NRXN3: variants seen among roughly 807,000 people sequenced by gnomAD.
NRXN3 encodes neurexin 3, also known as neurexin III.
A neutral mutation model predicts 137.6 loss-of-function variants in NRXN3; 32 were observed. The ratio of observed to expected loss-of-function variants is 0.23; its 90% CI spans 0.18 to 0.31. NRXN3 has a LOEUF of 0.31. NRXN3 is among the 10% of genes least tolerant of loss of function. The probability of loss-of-function intolerance (pLI) is 1.00; values close to 1 mark genes in which losing one functional copy is unlikely to be tolerated. For synonymous variants in NRXN3, 798 were observed against 784.5 expected (o/e 1.02, Z -0.29); for missense variants, 1,574 against 2,062.5 (o/e 0.76, Z 4.59).
At chr14:79,115,325 CAA>C (rs11426637) in intron 15 of NRXN3, among the ~76,000 whole-genome samples, 2 of 131,164 alleles carry the variant, frequency 1.5e-5, no homozygotes, top group African/African-American at 2.9e-5. Context: ...AACTCTGTCT[CAA>C]AAAAAAAAAA....
chr14:78,556,911 C>A, intron 4 of NRXN3, among the ~76,000 whole-genome samples: 1 of 115,150 alleles, frequency 8.7e-6, no homozygotes, highest in Non-Finnish European at 1.8e-5. Flanking sequence ...CCCTCCCCCT[C>A]CCCCTTCCCC....
intron 16 of NRXN3, among the ~76,000 whole-genome samples, chr14:79,541,078 G>C (rs73324300): frequency 0.036 from 5,517 of 152,136 alleles, 313 homozygotes; most frequent in African/African-American, 0.12. Context: ...TGCCTTCTCT[G>C]TGTTTCTCCT....
At chr14:79,209,364 A>C (rs533817481) in intron 15 of NRXN3, among the ~76,000 whole-genome samples, 3 of 152,072 alleles carry the variant, frequency 2.0e-5, no homozygotes, top group African/African-American at 7.2e-5. Flanking sequence ...AGAGGGAATC[A>C]AGGGTATATT....
At chr14:79,022,521 C>T (rs941031379) in intron 15 of NRXN3, among the ~76,000 whole-genome samples, 2 of 152,158 alleles carry the variant, frequency 1.3e-5, no homozygotes, top group African/African-American at 2.4e-5. Context: ...ATTGGGAACA[C>T]ACACGAAGCC....
intron 4 of NRXN3, among the ~76,000 whole-genome samples, chr14:78,603,529 A>G (rs774039014): frequency 2.6e-5 from 4 of 152,244 alleles, no homozygotes; most frequent in Non-Finnish European, 5.9e-5. Flanking sequence ...AAAGGACAGA[A>G]GATGGATTAA....
At chr14:79,139,261 T>G (rs2058558182) in intron 15 of NRXN3, among the ~76,000 whole-genome samples, 1 of 152,198 alleles carries the variant, frequency 6.6e-6, no homozygotes, top group African/African-American at 2.4e-5. Flanking sequence ...AAAGACATAG[T>G]GTCATTTGGA....
chr14:79,041,628 C>G (rs1170640473), intron 15 of NRXN3, among the ~76,000 whole-genome samples: 1 of 152,094 alleles, frequency 6.6e-6, no homozygotes, highest in African/African-American at 2.4e-5. Context: ...GTGAACTTAA[C>G]CTCTTCTTGA....
chr14:79,412,492 A>G (rs1440895254), intron 15 of NRXN3, among the ~76,000 whole-genome samples: 3 of 151,978 alleles, frequency 2.0e-5, no homozygotes, highest in Non-Finnish European at 2.9e-5. Context: ...TTAAAAAGCT[A>G]GGATCAGCTG....
intron 4 of NRXN3, among the ~76,000 whole-genome samples, chr14:78,298,771 G>A (rs1276454458): frequency 1.3e-5 from 2 of 152,162 alleles, no homozygotes; most frequent in East Asian, 1.9e-4. Context: ...TGACTATGTC[G>A]TGTTGAAATA....
At chr14:78,963,031 T>G (rs1336218806) in intron 11 of NRXN3, among the ~76,000 whole-genome samples, 1 of 151,784 alleles carries the variant, frequency 6.6e-6, no homozygotes, top group African/African-American at 2.4e-5. Flanking sequence ...CTCACCAACT[T>G]TTAGTTGAGG....
intron 4 of NRXN3, among the ~76,000 whole-genome samples, chr14:78,568,720 G>T (rs1013194794): frequency 1.3e-5 from 2 of 152,110 alleles, no homozygotes; most frequent in African/African-American, 2.4e-5. Context: ...ACTGCATATT[G>T]AAATGAATAT....
chr14:79,590,210 G>A (rs535872683), intron 16 of NRXN3, among the ~76,000 whole-genome samples: 4 of 151,912 alleles, frequency 2.6e-5, no homozygotes, highest in African/African-American at 7.3e-5. Flanking sequence ...TATGTGGGCA[G>A]GTCTTTCCCA....
chr14:79,363,011 T>A (rs2153421117), intron 15 of NRXN3, among the ~76,000 whole-genome samples: 1 of 152,120 alleles, frequency 6.6e-6, no homozygotes, highest in Middle Eastern at 3.4e-3. Flanking sequence ...GGAATTTTTT[T>A]TTTTTTTTTT....
intron 15 of NRXN3, among the ~76,000 whole-genome samples, chr14:79,008,720 G>T (rs1200072790): frequency 7.1e-6 from 1 of 140,104 alleles, no homozygotes; most frequent in African/African-American, 2.7e-5. Context: ...GTGAAGTGAT[G>T]TAATCTCAGC....
chr14:78,618,557 T>C (rs2097368810), intron 4 of NRXN3, among the ~76,000 whole-genome samples: 2 of 152,194 alleles, frequency 1.3e-5, no homozygotes, highest in Admixed American at 6.5e-5. Context: ...CTGTGCATTC[T>C]GTGAATGCTG....
At chr14:78,236,838 C>T (rs1404822266) in intron 1 of NRXN3, among the ~76,000 whole-genome samples, 2 of 150,810 alleles carry the variant, frequency 1.3e-5, no homozygotes, top group African/African-American at 2.4e-5. Flanking sequence ...GCCTCCAAAG[C>T]CCATGTTCTC....
intron 15 of NRXN3, among the ~76,000 whole-genome samples, chr14:79,107,372 A>G (rs2152866777): frequency 6.6e-6 from 1 of 152,278 alleles, no homozygotes; most frequent in East Asian, 1.9e-4. Flanking sequence ...AATGCTTGGC[A>G]GAGGGTGAAA....
chr14:79,097,874 T>C (rs1296279695), intron 15 of NRXN3, among the ~76,000 whole-genome samples: 1 of 152,158 alleles, frequency 6.6e-6, no homozygotes, highest in Non-Finnish European at 1.5e-5. Context: ...CATAGCTGAC[T>C]GCAAAACCTG....
chr14:78,391,364 A>G (rs1199462295), intron 4 of NRXN3, among the ~76,000 whole-genome samples: 2 of 151,556 alleles, frequency 1.3e-5, no homozygotes, highest in Non-Finnish European at 2.9e-5. Context: ...AAGTTCCTTC[A>G]TGACCTTTTT....
Sources: gnomAD v4.1 joint callset for allele counts (sites outside exome capture counted in the v4.1 genomes callset) on GRCh38, gnomAD v4.1.1 for gene constraint, MANE v1.5 for transcripts, NCBI Gene and HGNC (gene_info 2026-07-23, HGNC 2026-07-21) for gene names.